Variants in ZNF350 observed in about 807,000 individuals in gnomAD.
ZNF350 encodes the protein zinc finger protein 350, also known as KRAB zinc finger protein ZFQR.
ZNF350 carries 5 observed loss-of-function variants against 13.1 expected under a neutral mutation model. The observed-to-expected ratio is 0.38, with a 90% CI of 0.20 to 0.80. ZNF350 has a LOEUF of 0.80. Among genes scored for constraint, ZNF350 ranks in the 30% least tolerant of loss-of-function variants. The pLI is 0.43. For missense variants in ZNF350, 534 were observed against 644.2 expected (o/e 0.83, Z 1.85); for synonymous variants, 199 against 224.2 (o/e 0.89, Z 1.00).
At chr19:51,983,268 C>T (rs2086093990) in intron 1 of ZNF350, among the ~76,000 whole-genome samples, 1 of 152,204 alleles carries the variant, frequency 6.6e-6, no homozygotes, top group Admixed American at 6.5e-5. Flanking sequence ...GCAGGGACCT[C>T]TGCCCAAGAA....
intron 1 of ZNF350, among the ~76,000 whole-genome samples, chr19:51,982,443 T>G (rs934370609): frequency 6.6e-6 from 1 of 152,262 alleles, no homozygotes; most frequent in Non-Finnish European, 1.5e-5. Context: ...TTGTATTTTG[T>G]GCAGTTTCCT....
At position 51,976,570 on chromosome 19, in the gene ZNF350, T is replaced by A. The variant is rs950309383; in HGVS notation, c.-171-2039A>T. On this transcript the variant is annotated intron_variant, in intron 1 of 4. Coordinates refer to ENST00000243644, the MANE Select transcript of ZNF350 (RefSeq NM_021632.4). This position sits in a 1 kb window ranked among gnomAD's most constrained non-coding sequence, Gnocchi z 4.5. ...GGGAAGAGTCTGCCGGCAGCAGATA[T>A]AAGGTCAGTGCCCTAAAGAGGTACT... The A allele has an allele frequency of 6.6e-6, 1 of 152,312 alleles. No individual in the cohort carries two copies. The highest frequency in any genetic ancestry group is 6.5e-5 in the Admixed American group (1 of 15,282). 9.4% of individuals were successfully genotyped at this position (152,312 alleles called of 1,614,324 possible). A position where few individuals can be genotyped will look rare whatever the true frequency, so the allele number is the denominator to read the frequency against.
At chr19:51,977,724 T>C (rs1396002315) in intron 1 of ZNF350, among the ~76,000 whole-genome samples, 20 of 152,226 alleles carry the variant, frequency 1.3e-4, no homozygotes, top group Admixed American at 1.0e-3. Flanking sequence ...AATGCTAACC[T>C]TAACTTTAGC....
intron 1 of ZNF350, among the ~76,000 whole-genome samples, chr19:51,985,590 C>G (rs186711200): frequency 1.3e-5 from 2 of 152,264 alleles, no homozygotes; most frequent in East Asian, 1.9e-4. Context: ...TGGCTAAGAC[C>G]AACAAGGCCT....
intron 1 of ZNF350, chr19:51,983,900 C>A (rs554854761): frequency 6.6e-6 from 1 of 152,350 alleles, no homozygotes. Context: ...CTCTCATTTC[C>A]ACCTTGCAAA....
chr19:51,975,871 C>T (rs1024366188), intron 1 of ZNF350, among the ~76,000 whole-genome samples: 1 of 152,214 alleles, frequency 6.6e-6, no homozygotes, highest in East Asian at 1.9e-4. Context: ...TTACAGGCAC[C>T]TGCTGCAGGG....
At chr19:51,977,277 T>C (rs1368883638) in intron 1 of ZNF350, among the ~76,000 whole-genome samples, 2 of 152,260 alleles carry the variant, frequency 1.3e-5, no homozygotes, top group Non-Finnish European at 2.9e-5. Flanking sequence ...TGGTAAATGA[T>C]GGCATACAGA....
intron 2 of ZNF350, among the ~76,000 whole-genome samples, chr19:51,970,059 ATTT>A (rs60960172): frequency 6.1e-5 from 7 of 114,494 alleles, no homozygotes; most frequent in Admixed American, 8.8e-5. Context: ...CGCCTGGCTA[ATTT>A]TTTTTTTTTT....
Position 51,965,352 on chromosome 19 carries a change from A to C in ZNF350, c.1101T>G (p.Ile367Met). The C allele has an allele frequency of 1.2e-6, 2 of 1,613,532 alleles. No individual in the cohort carries two copies. Among genetic ancestry groups the C allele is most frequent in the Non-Finnish European group, 8.5e-7 (1 of 1,179,812 alleles). ...ATTCAAAGGGTTTCTCTCCTGTGTG[A>C]ATTCTTTGATGTTTAATGAGACCTG... Reference protein sequence around the residue: ...QKSGLIKHQRIHTGEKPFECS... With the variant: ...QKSGLIKHQRMHTGEKPFECS... The change falls in exon 5 of 5, where the codon ATT (isoleucine) becomes ATG (methionine). Residue 367 changes from isoleucine (I) to methionine (M), a missense_variant. Transcript: ENST00000243644.
At chr19:51,966,277 T>G (rs1160637328) in intron 4 of ZNF350, 63 bp from the exon 5 acceptor site, 2 of 1,451,000 alleles carry the variant, frequency 1.4e-6, no homozygotes, top group African/African-American at 3.1e-5. Flanking sequence ...GTTGTGGTTT[T>G]TTTGTTTTTT....
intron 1 of ZNF350, among the ~76,000 whole-genome samples, chr19:51,975,733 GTTTAT>G (rs1030571291): frequency 3.3e-5 from 5 of 152,094 alleles, no homozygotes; most frequent in African/African-American, 9.7e-5. Flanking sequence ...AACATCTGGG[GTTTAT>G]TTTATTTTAT....
At chr19:51,984,296 T>C (rs930948637) in intron 1 of ZNF350, 1 of 151,624 alleles carries the variant, frequency 6.6e-6, no homozygotes, top group African/African-American at 2.4e-5. Context: ...ATTTCAATGG[T>C]AGAAACATAT....
chr19:51,966,230 C>T lies in ZNF350; in HGVS notation c.239-16G>A, dbSNP rs774032135. 1 of 1,533,668 alleles carries T rather than the reference C, an allele frequency of 6.5e-7. No individual in the cohort carries two copies. The highest frequency in any genetic ancestry group is 8.7e-7 in the Non-Finnish European group (1 of 1,145,948). On this transcript the variant is annotated splice_polypyrimidine_tract_variant and intron_variant, in intron 4 of 4. Coordinates refer to ENST00000243644, the MANE Select transcript of ZNF350 (RefSeq NM_021632.4). ...TTCCATATGTCTAGAAAGAAAAGAA[C>T]AAAGATTTCTATCATTTAGATTTGG...
At chr19:51,981,642 A>G (rs1333555365) in intron 1 of ZNF350, among the ~76,000 whole-genome samples, 1 of 152,200 alleles carries the variant, frequency 6.6e-6, no homozygotes, top group Non-Finnish European at 1.5e-5. Flanking sequence ...CCACAGAGAG[A>G]GTAACCAAAG....
rs2278419 is a variant in ZNF350 at position 51,968,560 on chromosome 19, T to C, written c.238+18A>G. 482,184 of 1,608,078 alleles carry C rather than the reference T, an allele frequency of 0.3. 80,835 individuals carry two copies. The highest frequency in any genetic ancestry group is 0.64 in the African/African-American group (47,602 of 74,740). On this transcript the variant is annotated intron_variant, in intron 4 of 4. Transcript: ENST00000243644. ...AGAATGTGACTTCCATAGCCTTCTG[T>C]CTTGTGGGTTCTCTCACCTGAACAG...
At position 51,965,412 on chromosome 19, in the gene ZNF350, CA is replaced by C; in HGVS notation, c.1040del (p.Val347GlyfsTer127). On this transcript the variant is annotated frameshift_variant, in exon 5 of 5. Transcript: ENST00000243644. LOFTEE classifies it low-confidence loss of function (END_TRUNC). The stretch of plus-strand genomic sequence containing the variant: ...AACAGGATTTTCCACATTCACTGCA[CA>C]CAAAGGGCGTCTTTCCTGTGTGAAA... ...QRFHTGKTPF[V>X]CSECGKSCSQ... is the part of the protein sequence containing the mutation. 1 of 1,614,114 alleles carries C rather than the reference CA, an allele frequency of 6.2e-7. No individual in the cohort carries two copies. Among genetic ancestry groups the C allele is most frequent in the Non-Finnish European group, 8.5e-7 (1 of 1,180,014 alleles).
intron 1 of ZNF350, among the ~76,000 whole-genome samples, chr19:51,985,731 G>A (rs2086146269): frequency 6.6e-6 from 1 of 152,240 alleles, no homozygotes; most frequent in Admixed American, 6.5e-5. Context: ...TGAAGGCCGG[G>A]CGCGGTGGCT....
rs766876199 is a variant in ZNF350 at position 51,969,018 on chromosome 19, G to A, written c.129C>T (p.Asn43=). ...AGCTGTCCTCACCCACTGCCACCAG[G>A]TTGCTGTAGTTCTCCAACATCACAT... ...YRDVMLENYS[N]LVAVGYQASK... is the part of the protein sequence containing the mutation. Residue 43 remains asparagine, a synonymous_variant, in exon 3 of 5, where the codon AAC becomes AAT. Transcript: ENST00000243644. 7.4e-6 allele frequency: 12 copies of A among 1,613,924 alleles called. No homozygotes were observed. In the African/African-American group the frequency reaches 1.3e-4, roughly 18 times the overall value.
Position 51,974,420 on chromosome 19 carries a change from C to T in ZNF350, c.-60G>A, listed in dbSNP as rs1268218329. ...GATGGTCTGTCTTTGTATCTTCTGGCCTTCTCTTCAGAAGTCTCAGTTTTC... is the reference window on the plus strand; with the variant it reads ...GATGGTCTGTCTTTGTATCTTCTGGTCTTCTCTTCAGAAGTCTCAGTTTTC... On this transcript the variant is annotated 5_prime_UTR_variant, in exon 2 of 5. Coordinates refer to ENST00000243644, the MANE Select transcript of ZNF350 (RefSeq NM_021632.4). 1 of 1,594,146 alleles carries T rather than the reference C, an allele frequency of 6.3e-7. No homozygotes were observed. Among genetic ancestry groups the T allele is most frequent in the Non-Finnish European group, 8.6e-7 (1 of 1,165,834 alleles).
Sources: gnomAD v4.1 joint callset for allele counts (sites outside exome capture counted in the v4.1 genomes callset) on GRCh38, gnomAD v4.1.1 for gene constraint, Gnocchi (gnomAD v3.1) non-coding constraint, MANE v1.5 for transcripts, NCBI Gene and HGNC (gene_info 2026-07-23, HGNC 2026-07-21) for gene names.